The following GPAA1 variants were observed in gnomAD, a reference collection of about 807,000 sequenced individuals.
The protein encoded by GPAA1 is glycosylphosphatidylinositol anchor attachment 1.
A neutral mutation model predicts 64.0 loss-of-function variants in GPAA1; 54 were observed. That is an observed-to-expected ratio of 0.84 (90% CI 0.68 to 1.06). The LOEUF (loss-of-function observed/expected upper bound fraction) is 1.06. Among genes scored for constraint, GPAA1 ranks in the 50% least tolerant of loss-of-function variants. The pLI, the probability that GPAA1 is intolerant of heterozygous loss-of-function variation, is 0.00. For synonymous variants in GPAA1, 393 were observed against 377.3 expected (o/e 1.04, Z -0.48); for missense variants, 780 against 822.3 (o/e 0.95, Z 0.63).
chr8:144,083,393 C>G lies in GPAA1; in HGVS notation c.259C>G (p.Leu87Val). 1 of 1,613,362 alleles carries G rather than the reference C, an allele frequency of 6.2e-7. No homozygotes were observed. Among genetic ancestry groups the G allele is most frequent in the South Asian group, 1.1e-5 (1 of 91,086 alleles). ...AGGCTCCCTTCGTGTCTGCAGGGCT[C>G]TGCCAGTGGCCTGGCTTGAACGGAC... is the stretch of plus-strand genomic sequence containing the variant. ...FAAHRKKSGA[L>V]PVAWLERTMR... Residue 87 changes from leucine (L) to valine (V), a missense_variant, in exon 3 of 12, where the codon CTG becomes GTG. Coordinates refer to ENST00000355091, the MANE Select transcript of GPAA1 (RefSeq NM_003801.4).
chr8:144,085,622 G>A lies in GPAA1; in HGVS notation c.1501G>A (p.Val501Ile). 6.2e-7 allele frequency: 1 copy of A among 1,613,856 alleles called. No individual in the cohort carries two copies. Among genetic ancestry groups the A allele is most frequent in the South Asian group, 1.1e-5 (1 of 91,084 alleles). The stretch of plus-strand genomic sequence containing the variant: ...CAGGGGCTGGATGGCACTGAAGCTG[G>A]TAGCCCTGATCTACCTAGCACTGCA... ...PDRGWMALKL[V>I]ALIYLALQLG... The change falls in exon 11 of 12, where the codon GTA (valine) becomes ATA (isoleucine). Residue 501 changes from valine (V) to isoleucine (I), a missense_variant. Physicochemically the swap from Val to Ile is conservative, Grantham distance 29. Transcript: ENST00000355091.
At chr8:144,082,942 C>T in intron 1 of GPAA1, 138 bp downstream of exon 1, 1 of 892,542 alleles carries the variant, frequency 1.1e-6, no homozygotes. Context: ...TCCGCTCCTG[C>T]CCTCTGGAAG....
At chr8:144,084,651 G>T (rs782278110) in intron 7 of GPAA1, 42 bp downstream of exon 7, 18 of 1,607,358 alleles carry the variant, frequency 1.1e-5, no homozygotes, top group Non-Finnish European at 1.5e-5. Context: ...CCAGGATGGG[G>T]TCTAGCTGGA....
intron 1 of GPAA1, 108 bp downstream of exon 1, chr8:144,082,912 C>T: frequency 6.0e-6 from 6 of 993,948 alleles, no homozygotes; most frequent in Non-Finnish European, 8.3e-6. Flanking sequence ...TGCTCGCGCC[C>T]CTCCGGCTGC....
chr8:144,085,984 C>T lies in GPAA1; in HGVS notation c.1725C>T (p.Ala575=), dbSNP rs1406147629. 1.9e-6 allele frequency: 3 copies of T among 1,607,912 alleles called. No homozygotes were observed. The highest frequency in any genetic ancestry group is 1.7e-6 in the Non-Finnish European group (2 of 1,179,928). Residue 575 remains alanine (A), a synonymous_variant, in exon 12 of 12, where the codon GCC becomes GCT. Transcript: ENST00000355091. ...RELQEAPLSL[A]EGWQLFLAAL... ...TGCAGGAGGCGCCACTGTCACTGGC[C>T]GAGGGCTGGCAGCTCTTCCTGGCAG...
chr8:144,085,909 G>A lies in GPAA1; in HGVS notation c.1650G>A (p.Leu550=), dbSNP rs1554764316. The change falls in exon 12 of 12, where the codon CTG becomes CTA. Residue 550 remains leucine, a synonymous_variant. Coordinates refer to ENST00000355091, the MANE Select transcript of GPAA1 (RefSeq NM_003801.4). ...PRTLYAALLV[L]TSPAATLLGS... is the part of the protein sequence containing the mutation. ...CCCTCTATGCTGCCCTGCTGGTGCT[G>A]ACCAGCCCGGCAGCCACGCTCCTTG... 2 of 1,608,958 alleles carry A rather than the reference G, an allele frequency of 1.2e-6. No homozygotes were observed. The highest frequency in any genetic ancestry group is 1.7e-5 in the Admixed American group (1 of 59,978).
At position 144,084,160 on chromosome 8, in the gene GPAA1, C is replaced by G. The variant is rs782498857; in HGVS notation, c.643C>G (p.Arg215Gly). ...TGMQSSPLQG[R>G]AGAIQAAVAL... ...CATGCAGTCGTCTCCCCTGCAGGGCCGAGCTGGGGCCATTCAGGCAGCCGT... is the reference window on the plus strand; with the variant it reads ...CATGCAGTCGTCTCCCCTGCAGGGCGGAGCTGGGGCCATTCAGGCAGCCGT... The change falls in exon 6 of 12, where the codon CGA (arginine) becomes GGA (glycine). Residue 215 changes from arginine to glycine, a missense_variant. Arg to Gly is a moderately radical substitution (Grantham distance 125). Transcript: ENST00000355091. 18 of 1,613,472 alleles carry G rather than the reference C, an allele frequency of 1.1e-5. No individual in the cohort carries two copies. In the African/African-American group the frequency reaches 2.3e-4, roughly 20 times the overall value.
chr8:144,085,267 C>G, intron 9 of GPAA1, 22 bp from the exon 10 acceptor site: 1 of 1,577,912 alleles, frequency 6.3e-7, no homozygotes, highest in Non-Finnish European at 8.6e-7. Flanking sequence ...GGTCCATCTC[C>G]AAGAGCCTGT....
chr8:144,085,491 G>A lies in GPAA1; in HGVS notation c.1451+12G>A. ...CACAATACCCACCGGTAAGAGGCTG[G>A]GCTGGTTGTTGGGGGCAGGGGTAGA... On this transcript the variant is annotated intron_variant, in intron 10 of 11. Transcript: ENST00000355091. 2 of 1,604,188 alleles carry A rather than the reference G, an allele frequency of 1.2e-6. No individual in the cohort carries two copies. Among genetic ancestry groups the A allele is most frequent in the Non-Finnish European group, 1.7e-6 (2 of 1,178,572 alleles).
In GPAA1 at chr8:144,083,963, T is replaced by C. The variant is rs781942869; in HGVS notation, c.539T>C (p.Ile180Thr). 81 of 1,613,910 alleles carry C rather than the reference T, an allele frequency of 5.0e-5. No homozygotes were observed. The highest frequency in any genetic ancestry group is 6.4e-5 in the Non-Finnish European group (75 of 1,179,994). ...FRGQIYWAKD[I>T]VFLVTEHDLL... is the part of the protein sequence containing the mutation. ...GGGCAGATTTATTGGGCCAAAGATATCGTCTTCCTGGTAACAGAACATGAC... is the reference window on the plus strand; with the variant it reads ...GGGCAGATTTATTGGGCCAAAGATACCGTCTTCCTGGTAACAGAACATGAC... The change falls in exon 5 of 12, where the codon ATC becomes ACC. Residue 180 changes from isoleucine (I) to threonine (T), a missense_variant. Physicochemically the swap from Ile to Thr is moderately conservative, Grantham distance 89 (BLOSUM62 -1). Coordinates refer to ENST00000355091, the MANE Select transcript of GPAA1 (RefSeq NM_003801.4).
chr8:144,085,096 C>T lies in GPAA1; in HGVS notation c.1218C>T (p.Pro406=), dbSNP rs1564305192. The change falls in exon 9 of 12, where the codon CCC becomes CCT. Residue 406 remains proline, a synonymous_variant. Transcript: ENST00000355091. ...LHEAGMGLEE[P]GGAPGPSVPL... is the part of the protein sequence containing the mutation. ...AGGCTGGAATGGGCCTTGAGGAGCC[C>T]GGGGGTGCCCCTGGCCCCAGTGTAC... The T allele has an allele frequency of 5.6e-6, 9 of 1,608,240 alleles. No homozygotes were observed. The highest frequency in any genetic ancestry group is 2.2e-5 in the South Asian group (2 of 90,552).
rs1477527324 is a variant in GPAA1 at position 144,085,493 on chromosome 8, C to T, written c.1451+14C>T. On this transcript the variant is annotated intron_variant, in intron 10 of 11. Coordinates refer to ENST00000355091, the MANE Select transcript of GPAA1 (RefSeq NM_003801.4). Reference sequence around the variant, plus strand: ...CAATACCCACCGGTAAGAGGCTGGGCTGGTTGTTGGGGGCAGGGGTAGAGG... The same window carrying T: ...CAATACCCACCGGTAAGAGGCTGGGTTGGTTGTTGGGGGCAGGGGTAGAGG... 5 of 1,603,938 alleles carry T rather than the reference C, an allele frequency of 3.1e-6. No homozygotes were observed. In the Admixed American group the frequency reaches 8.3e-5, roughly 27 times the overall value.
chr8:144,084,963 G>A lies in GPAA1; in HGVS notation c.1165-80G>A, dbSNP rs1835972811. ...GGAGAGTCTTCCATCCTGATGGGGG[G>A]TGGGGTACGGGGGTGAGCCCTGGGT... On this transcript the variant is annotated intron_variant, in intron 8 of 11. Transcript: ENST00000355091. The A allele has an allele frequency of 5.8e-6, 9 of 1,564,804 alleles. No individual in the cohort carries two copies. The South Asian group carries it at 6.9e-5, about 12-fold the overall frequency.
chr8:144,085,101 G>T lies in GPAA1; in HGVS notation c.1223G>T (p.Gly408Val), dbSNP rs1554764152. 2.5e-6 allele frequency: 4 copies of T among 1,607,346 alleles called. No individual in the cohort carries two copies. Among genetic ancestry groups the T allele is most frequent in the Non-Finnish European group, 3.4e-6 (4 of 1,176,094 alleles). The change falls in exon 9 of 12, where the codon GGT (glycine) becomes GTT (valine). Residue 408 changes from glycine to valine, a missense_variant. Transcript: ENST00000355091. Reference sequence around the variant, plus strand: ...GGAATGGGCCTTGAGGAGCCCGGGGGTGCCCCTGGCCCCAGTGTACCCCTT... The same window carrying T: ...GGAATGGGCCTTGAGGAGCCCGGGGTTGCCCCTGGCCCCAGTGTACCCCTT... ...EAGMGLEEPG[G>V]APGPSVPLPP...
rs782164038 is a variant in GPAA1 at position 144,084,430 on chromosome 8, G to A, written c.831G>A (p.Trp277Ter). 18 of 1,612,092 alleles carry A rather than the reference G, an allele frequency of 1.1e-5. No individual in the cohort carries two copies. The East Asian group carries it at 3.8e-4, about 34-fold the overall frequency. Residue 277 changes from tryptophan to a stop codon, truncating the protein, a stop_gained, in exon 7 of 12, where the codon TGG becomes TGA. Transcript: ENST00000355091. LOFTEE classifies it high-confidence loss of function. ...TLQGKLQPED[W>*]TSLDGPLQGL... ...CTCTAAAGCTGCAGCCCGAGGACTG[G>A]ACATCATTGGATGGACCGCTGCAGG...
In GPAA1 at chr8:144,085,968, C is replaced by A; in HGVS notation, c.1709C>A (p.Ala570Glu). The A allele has an allele frequency of 6.2e-7, 1 of 1,606,370 alleles. No homozygotes were observed. The highest frequency in any genetic ancestry group is 8.5e-7 in the Non-Finnish European group (1 of 1,179,866). Residue 570 changes from alanine (A) to glutamate (E), a missense_variant, in exon 12 of 12, where the codon GCG (alanine) becomes GAG (glutamate). Physicochemically the swap from Ala to Glu is moderately radical, Grantham distance 107 (BLOSUM62 -1). Coordinates refer to ENST00000355091, the MANE Select transcript of GPAA1 (RefSeq NM_003801.4). ...SLFLWRELQE[A>E]PLSLAEGWQL... is the part of the protein sequence containing the mutation. Reference sequence around the variant, plus strand: ...TTCCTGTGGCGGGAGCTGCAGGAGGCGCCACTGTCACTGGCCGAGGGCTGG... The same window carrying A: ...TTCCTGTGGCGGGAGCTGCAGGAGGAGCCACTGTCACTGGCCGAGGGCTGG...
In GPAA1 at chr8:144,083,921, C is replaced by G; in HGVS notation, c.515-18C>G. ...GGTCAGTGCCCCAGACCCTGCTGAT[C>G]CTGCTTCTGGCCTCCAGGGCAGATT... On this transcript the variant is annotated intron_variant, in intron 4 of 11. Transcript: ENST00000355091. The G allele has an allele frequency of 1.2e-6, 2 of 1,613,006 alleles. No homozygotes were observed. The highest frequency in any genetic ancestry group is 1.7e-6 in the Non-Finnish European group (2 of 1,179,354).
In GPAA1 at chr8:144,083,115, C is replaced by T. The variant is rs782272137; in HGVS notation, c.75-9C>T. ...TGACGCTCCGGTGCCCCTCCGTCCT[C>T]TCTCACAGCGTGCTGAGCTACGTGG... On this transcript the variant is annotated splice_polypyrimidine_tract_variant and intron_variant, in intron 1 of 11. Coordinates refer to ENST00000355091, the MANE Select transcript of GPAA1 (RefSeq NM_003801.4). 3 of 1,610,314 alleles carry T rather than the reference C, an allele frequency of 1.9e-6. No homozygotes were observed. Among genetic ancestry groups the T allele is most frequent in the South Asian group, 1.1e-5 (1 of 90,874 alleles).
Position 144,085,185 on chromosome 8 carries a change from C to T in GPAA1, c.1260+47C>T, listed in dbSNP as rs782459044. 1.3e-5 allele frequency: 19 copies of T among 1,464,134 alleles called. No homozygotes were observed. In the South Asian group the frequency reaches 1.9e-4, roughly 14 times the overall value. 90.7% of individuals were successfully genotyped at this position (1,464,134 alleles called of 1,614,324 possible). On this transcript the variant is annotated intron_variant, in intron 9 of 11. Transcript: ENST00000355091. ...GTTGGAATGGGCTTCTGGGGTCTGACTGGTGTTTAGTGTTGCAACTTAGCC... is the reference window on the plus strand; with the variant it reads ...GTTGGAATGGGCTTCTGGGGTCTGATTGGTGTTTAGTGTTGCAACTTAGCC...
Sources: gnomAD v4.1 joint callset for allele counts on GRCh38, gnomAD v4.1.1 for gene constraint, MANE v1.5 for transcripts, NCBI Gene and HGNC (gene_info 2026-07-23, HGNC 2026-07-21) for gene names.